The following MNAT1 variants were observed in gnomAD, a reference collection of about 807,000 sequenced individuals.
MNAT1 encodes the protein MNAT1 component of CDK activating kinase.
A neutral mutation model predicts 42.0 loss-of-function variants in MNAT1; 43 were observed. The observed-to-expected ratio is 1.02, with a 90% CI of 0.80 to 1.32. The LOEUF is 1.32. Among genes scored for constraint, MNAT1 ranks in the 40% most tolerant of loss-of-function variants. MNAT1 has a pLI of 0.00. For synonymous variants in MNAT1, 118 were observed against 120.0 expected, an observed-to-expected ratio of 0.98 and a Z score of 0.11; for missense variants, 306 against 350.4, an observed-to-expected ratio of 0.87 and a Z score of 1.01.
chr14:60,966,274 T>A (rs931256223), intron 7 of MNAT1, among the ~76,000 whole-genome samples: 22 of 152,000 alleles, frequency 1.4e-4, no homozygotes, highest in African/African-American at 4.6e-4. Flanking sequence ...CACCTGCCAC[T>A]GTGCCTGGCT....
intron 7 of MNAT1, among the ~76,000 whole-genome samples, chr14:60,959,591 A>G (rs939849684): frequency 3.9e-5 from 6 of 152,164 alleles, no homozygotes; most frequent in Non-Finnish European, 8.8e-5. Flanking sequence ...TGGGATGATA[A>G]AGGCAGAATG....
At chr14:60,959,920 G>GTTTTTTTTTTTTTTTTTTTTTTT (rs11359127) in intron 7 of MNAT1, among the ~76,000 whole-genome samples, 2 of 93,166 alleles carry the variant, frequency 2.1e-5, no homozygotes, top group Non-Finnish European at 4.5e-5. Context: ...TGGTTTTTAT[G>GTTTTTTTTTTTTTTTTTTTTTTT]TTTTTTTTTT....
rs372411627 is a variant in MNAT1, at chr14:60,838,610, C to T, written c.687+19763C>T. Among the ~76,000 whole-genome samples the T allele has an allele frequency of 5.2e-3, 790 of 152,210 alleles. 14 individuals carry two copies. Among genetic ancestry groups the T allele is most frequent in the African/African-American group, 0.018 (733 of 41,546 alleles). ...GCTGCAGTGGGGAAGGTATGGCTGG[C>T]GCTGCCCTGTACATGGAGCCAGTGG... On this transcript the variant is annotated intron_variant, in intron 6 of 7. Transcript: ENST00000261245.
intron 1 of MNAT1, among the ~76,000 whole-genome samples, chr14:60,784,160 G>A (rs541658618): frequency 3.0e-5 from 4 of 135,302 alleles, no homozygotes; most frequent in Admixed American, 7.8e-5. Context: ...TTACAGATAC[G>A]TGCCACCATG....
At position 60,807,792 on chromosome 14, in the gene MNAT1, G is replaced by A. The variant is rs4151218; in HGVS notation, c.317-533G>A. On this transcript the variant is annotated intron_variant, in intron 3 of 7. Transcript: ENST00000261245. ...GTTTATCCTTTATTTTTCTTCTTAA[G>A]TTCCAACTCCTTTATTTCATACGTT... Among the ~76,000 whole-genome samples, 1,181 of 151,914 alleles carry A rather than the reference G, an allele frequency of 7.8e-3. 15 individuals carry two copies. Among genetic ancestry groups the A allele is most frequent in the African/African-American group, 0.027 (1,128 of 41,478 alleles).
chr14:60,747,820 A>C (rs2029897861), intron 1 of MNAT1, among the ~76,000 whole-genome samples: 1 of 152,226 alleles, frequency 6.6e-6, no homozygotes, highest in Admixed American at 6.5e-5. Context: ...TGTAATACCT[A>C]GCTTAAAACA....
chr14:60,886,650 A>C (rs1315694701), intron 7 of MNAT1, among the ~76,000 whole-genome samples: 1 of 151,824 alleles, frequency 6.6e-6, no homozygotes, highest in Non-Finnish European at 1.5e-5. Flanking sequence ...AGCTAATGTA[A>C]TGTTTTGATT....
In MNAT1 at chr14:60,740,661, G is replaced by A. The variant is rs1896437013; in HGVS notation, c.89+5710G>A. Among the ~76,000 whole-genome samples, 1 of 152,158 alleles carries A rather than the reference G, an allele frequency of 6.6e-6. No individual in the cohort carries two copies. Among genetic ancestry groups the A allele is most frequent in the South Asian group, 2.1e-4 (1 of 4,824 alleles). ...GAAAAGGCACTTATTTTAGGTGGAA[G>A]ATTTAGAACAGGAACATTCTAGATA... On this transcript the variant is annotated intron_variant, in intron 1 of 7. Transcript: ENST00000261245. This position sits in a 1 kb window ranked among gnomAD's most constrained non-coding sequence, Gnocchi z 4.1.
At chr14:60,817,027 A>G (rs2032737534) in intron 5 of MNAT1, among the ~76,000 whole-genome samples, 1 of 151,964 alleles carries the variant, frequency 6.6e-6, no homozygotes, top group African/African-American at 2.4e-5. Context: ...CTTTTATGTA[A>G]GAATTTTTGC....
chr14:60,862,328 G>T lies in MNAT1; in HGVS notation c.688-17386G>T, dbSNP rs191820120. Among the ~76,000 whole-genome samples the T allele has an allele frequency of 2.0e-5, 3 of 152,264 alleles. No individual in the cohort carries two copies. In the East Asian group the frequency reaches 5.8e-4, roughly 29 times the overall value. On this transcript the variant is annotated intron_variant, in intron 6 of 7. Coordinates refer to ENST00000261245, the MANE Select transcript of MNAT1 (RefSeq NM_002431.4). ...TAAAATAAATCTGAATATGCCATAC[G>T]ATTGGTGACAAATAAAAAACTCTTT...
At chr14:60,914,846 C>G (rs2035477076) in intron 7 of MNAT1, among the ~76,000 whole-genome samples, 1 of 152,152 alleles carries the variant, frequency 6.6e-6, no homozygotes, top group Non-Finnish European at 1.5e-5. Context: ...AATGGCTATA[C>G]TTTGGGAGAG....
chr14:60,824,607 G>A (rs755278905), intron 6 of MNAT1, among the ~76,000 whole-genome samples: 1 of 152,084 alleles, frequency 6.6e-6, no homozygotes, highest in African/African-American at 2.4e-5. Context: ...CAGATTTACC[G>A]TTATTAGATA....
At chr14:60,836,447 G>A (rs1191356831) in intron 6 of MNAT1, among the ~76,000 whole-genome samples, 1 of 152,178 alleles carries the variant, frequency 6.6e-6, no homozygotes, top group African/African-American at 2.4e-5. Context: ...TGTTGATGTT[G>A]ATGCTATTCT....
chr14:60,811,451 T>C (rs905795470), intron 4 of MNAT1, among the ~76,000 whole-genome samples: 1 of 151,736 alleles, frequency 6.6e-6, no homozygotes, highest in Non-Finnish European at 1.5e-5. Flanking sequence ...TACAGGCATG[T>C]GCCACCATGC....
chr14:60,944,534 G>A (rs1251086427), intron 7 of MNAT1, among the ~76,000 whole-genome samples: 1 of 152,186 alleles, frequency 6.6e-6, no homozygotes, highest in Non-Finnish European at 1.5e-5. Context: ...AAGCCACTGA[G>A]TGTGTGGTAT....
At chr14:60,771,480 A>T (rs1328225337) in intron 1 of MNAT1, among the ~76,000 whole-genome samples, 1 of 152,134 alleles carries the variant, frequency 6.6e-6, no homozygotes, top group Admixed American at 6.5e-5. Flanking sequence ...CTGCTTTCAC[A>T]CACAGTGGCC....
intron 1 of MNAT1, among the ~76,000 whole-genome samples, chr14:60,765,985 A>T (rs1037852340): frequency 2.2e-4 from 33 of 152,344 alleles, no homozygotes; most frequent in African/African-American, 7.7e-4. Flanking sequence ...TGAAAATTTT[A>T]ACTTTCTAAT....
intron 6 of MNAT1, among the ~76,000 whole-genome samples, chr14:60,845,408 T>A (rs1054162818): frequency 3.3e-5 from 5 of 152,054 alleles, no homozygotes; most frequent in Admixed American, 6.5e-5. Flanking sequence ...CTTAATTCTT[T>A]AAATGCCTAT....
intron 1 of MNAT1, chr14:60,780,278 C>G: frequency 1.4e-6 from 2 of 1,455,688 alleles, no homozygotes; most frequent in African/African-American, 1.4e-5. Flanking sequence ...GGAAAGATGA[C>G]AGTTTGATAT....
Sources: gnomAD v4.1 joint callset for allele counts (sites outside exome capture counted in the v4.1 genomes callset) on GRCh38, gnomAD v4.1.1 for gene constraint, Gnocchi (gnomAD v3.1) non-coding constraint, MANE v1.5 for transcripts, NCBI Gene and HGNC (gene_info 2026-07-23, HGNC 2026-07-21) for gene names.